Variants in ZMAT4 observed in about 807,000 individuals in gnomAD.
The protein encoded by ZMAT4 is zinc finger matrin-type protein 4.
In ZMAT4, 17 loss-of-function variants were observed where a neutral mutation model predicts 28.7. The ratio of observed to expected loss-of-function variants is 0.59; its 90% CI spans 0.41 to 0.89. ZMAT4 has a LOEUF of 0.89. ZMAT4 is among the 40% of genes least tolerant of loss of function. ZMAT4 has a pLI of 0.00. For synonymous variants in ZMAT4, 117 were observed against 109.2 expected, an observed-to-expected ratio of 1.07 and a Z score of -0.44; for missense variants, 240 against 283.8, an observed-to-expected ratio of 0.85 and a Z score of 1.11.
chr8:40,607,117 C>CTTT (rs71544299), intron 5 of ZMAT4, among the ~76,000 whole-genome samples: 125 of 65,706 alleles, frequency 1.9e-3, no homozygotes, highest in African/African-American at 2.7e-3. Context: ...TATCTTGTAT[C>CTTT]TTTTTTTTTT....
At chr8:40,889,566 T>C (rs147459685) in intron 1 of ZMAT4, among the ~76,000 whole-genome samples, 1 of 152,358 alleles carries the variant, frequency 6.6e-6, no homozygotes, top group East Asian at 1.9e-4. Flanking sequence ...AAAATTTTGA[T>C]AATATAATAT....
intron 6 of ZMAT4, among the ~76,000 whole-genome samples, chr8:40,545,766 A>G (rs1803181994): frequency 6.6e-6 from 1 of 151,998 alleles, no homozygotes; most frequent in Non-Finnish European, 1.5e-5. Flanking sequence ...GAATTGCGAG[A>G]GAATCCATTT....
chr8:40,576,542 A>G (rs887245956), intron 6 of ZMAT4, among the ~76,000 whole-genome samples: 2 of 152,016 alleles, frequency 1.3e-5, no homozygotes, highest in Non-Finnish European at 2.9e-5. Flanking sequence ...AAAAAAAAAA[A>G]AAAACTGTCA....
chr8:40,553,082 A>G (rs779293622), intron 6 of ZMAT4, among the ~76,000 whole-genome samples: 2 of 152,176 alleles, frequency 1.3e-5, no homozygotes, highest in African/African-American at 4.8e-5. Flanking sequence ...TGGTCATAAA[A>G]TGAACTGTGT....
chr8:40,606,445 T>A (rs887148758), intron 5 of ZMAT4, among the ~76,000 whole-genome samples: 1 of 152,222 alleles, frequency 6.6e-6, no homozygotes, highest in Non-Finnish European at 1.5e-5. Flanking sequence ...GAAGCTTAGT[T>A]TCACTGGATA....
rs748736116 is a variant in ZMAT4 at position 40,871,713 on chromosome 8, G to A, written c.-5+25970C>T. Among the ~76,000 whole-genome samples the A allele has an allele frequency of 6.6e-5, 10 of 152,274 alleles. No homozygotes were observed. In the South Asian group the frequency reaches 2.1e-3, roughly 32 times the overall value. ...GCTAGCTAGCCCAGGACAGCACTGA[G>A]GTGTGGACTCATCCTTCATTGACAG... On this transcript the variant is annotated intron_variant, in intron 1 of 6. Coordinates refer to ENST00000297737, the MANE Select transcript of ZMAT4 (RefSeq NM_024645.3).
intron 5 of ZMAT4, among the ~76,000 whole-genome samples, chr8:40,607,930 G>A (rs1226910064): frequency 6.6e-6 from 1 of 152,100 alleles, no homozygotes; most frequent in African/African-American, 2.4e-5. Context: ...TCCAGTGGAG[G>A]CAGCAGGGGA....
intron 1 of ZMAT4, among the ~76,000 whole-genome samples, chr8:40,847,392 A>G (rs1816947256): frequency 6.6e-6 from 1 of 152,184 alleles, no homozygotes; most frequent in Non-Finnish European, 1.5e-5. Flanking sequence ...CACAATGTCT[A>G]CATGATGTCA....
At chr8:40,558,237 C>T (rs1803610582) in intron 6 of ZMAT4, among the ~76,000 whole-genome samples, 1 of 152,132 alleles carries the variant, frequency 6.6e-6, no homozygotes, top group Non-Finnish European at 1.5e-5. Flanking sequence ...TCCGAATCCT[C>T]TTCTGAGTAC....
At chr8:40,688,531 T>C (rs1303631642) in intron 4 of ZMAT4, among the ~76,000 whole-genome samples, 4 of 152,098 alleles carry the variant, frequency 2.6e-5, no homozygotes, top group East Asian at 3.9e-4. Context: ...CCATTTGCAA[T>C]TCATGGTACC....
chr8:40,740,238 C>A (rs1442535399), intron 3 of ZMAT4, among the ~76,000 whole-genome samples: 2 of 152,174 alleles, frequency 1.3e-5, no homozygotes, highest in Non-Finnish European at 2.9e-5. Context: ...AATGGTTGAA[C>A]TAATTTACAC....
chr8:40,556,044 A>G (rs1413323877), intron 6 of ZMAT4, among the ~76,000 whole-genome samples: 2 of 152,140 alleles, frequency 1.3e-5, no homozygotes, highest in African/African-American at 4.8e-5. Flanking sequence ...ATTCTGAGAT[A>G]CCAGTCACAT....
intron 5 of ZMAT4, among the ~76,000 whole-genome samples, chr8:40,597,897 T>A (rs11997383): frequency 0.14 from 20,771 of 152,234 alleles, 1,955 homozygotes; most frequent in African/African-American, 0.27. Flanking sequence ...CAAGCTATTA[T>A]TTGAATTTCA....
intron 3 of ZMAT4, among the ~76,000 whole-genome samples, chr8:40,720,878 G>A (rs1480979490): frequency 1.3e-5 from 2 of 152,220 alleles, no homozygotes; most frequent in East Asian, 3.9e-4. Flanking sequence ...TGAGTAAGGT[G>A]GGAGGGAGGG....
At chr8:40,890,497 C>G (rs1006433128) in intron 1 of ZMAT4, among the ~76,000 whole-genome samples, 22 of 152,168 alleles carry the variant, frequency 1.4e-4, no homozygotes, top group African/African-American at 5.3e-4. Flanking sequence ...CTCCCCCTCC[C>G]CATTGCCACT....
At chr8:40,615,905 G>C (rs971750459) in intron 5 of ZMAT4, among the ~76,000 whole-genome samples, 2 of 152,078 alleles carry the variant, frequency 1.3e-5, no homozygotes, top group Non-Finnish European at 2.9e-5. Flanking sequence ...TTAAACTAAA[G>C]AGCTTCTGCA....
chr8:40,540,772 C>A (rs1033070482), intron 6 of ZMAT4, among the ~76,000 whole-genome samples: 4 of 152,142 alleles, frequency 2.6e-5, no homozygotes, highest in Non-Finnish European at 5.9e-5. Flanking sequence ...AGGTAGTTAG[C>A]GTCAGAATTG....
chr8:40,837,135 G>A (rs1816523548), intron 1 of ZMAT4, among the ~76,000 whole-genome samples: 1 of 152,154 alleles, frequency 6.6e-6, no homozygotes, highest in South Asian at 2.1e-4. Flanking sequence ...GAATTTCTCA[G>A]CCTCCTTTGC....
At chr8:40,751,702 C>T (rs1260473398) in intron 3 of ZMAT4, among the ~76,000 whole-genome samples, 1 of 152,120 alleles carries the variant, frequency 6.6e-6, no homozygotes, top group Non-Finnish European at 1.5e-5. Flanking sequence ...CCAAGAGAGA[C>T]AGCCAGTAAG....
Sources: allele counts gnomAD v4.1 joint callset (sites outside exome capture counted in the v4.1 genomes callset), GRCh38; gene constraint gnomAD v4.1.1; transcripts MANE v1.5; gene names NCBI Gene and HGNC (gene_info 2026-07-23, HGNC 2026-07-21).